The following AADAT variants were observed in gnomAD, a reference collection of about 807,000 sequenced individuals.
The protein encoded by AADAT is aminoadipate aminotransferase.
A neutral mutation model predicts 56.2 loss-of-function variants in AADAT; 25 were observed. The ratio of observed to expected loss-of-function variants is 0.44; its 90% CI spans 0.32 to 0.62. The LOEUF (loss-of-function observed/expected upper bound fraction) is 0.62, where lower values mean the gene tolerates loss of function less well. Among genes scored for constraint, AADAT ranks in the 20% least tolerant of loss-of-function variants. AADAT has a pLI of 0.04. For missense variants in AADAT, 387 were observed against 510.5 expected (o/e 0.76, Z 2.33); for synonymous variants, 173 against 164.7 (o/e 1.05, Z -0.39).
chr4:170,068,539 A>T (rs1011800568), intron 8 of AADAT, 52 bp downstream of exon 8: 7 of 1,382,604 alleles, frequency 5.1e-6, no homozygotes, highest in Non-Finnish European at 6.0e-6. Context: ...TTATTTTTTT[A>T]AAATTCTAAT....
At chr4:170,070,520 CA>C (rs1299223438) in intron 6 of AADAT, 66 bp downstream of exon 6, 2 of 1,171,234 alleles carry the variant, frequency 1.7e-6, no homozygotes, top group Non-Finnish European at 2.5e-6. Flanking sequence ...GCCTAATACC[CA>C]ACACAGTGCA....
chr4:170,091,426 G>A (rs1036046401), upstream of AADAT, among the ~76,000 whole-genome samples: 3 of 152,212 alleles, frequency 2.0e-5, no homozygotes, highest in African/African-American at 7.2e-5. Flanking sequence ...GCTCACCGGC[G>A]CTACCTTCGA....
chr4:170,084,529 G>A (rs894049254), intron 3 of AADAT, among the ~76,000 whole-genome samples: 1 of 152,074 alleles, frequency 6.6e-6, no homozygotes, highest in Non-Finnish European at 1.5e-5. Context: ...TAAATCAAAG[G>A]GGTCTATTAT....
At position 170,069,206 on chromosome 4, in the gene AADAT, T is replaced by G; in HGVS notation, c.745A>C (p.Met249Leu). Reference sequence around the variant, plus strand: ...CTGATGACACGTCCATCAACATCCATGGAAAGAAATGTTGGTACCCTGAAC... The same window carrying G: ...CTGATGACACGTCCATCAACATCCAGGGAAAGAAATGTTGGTACCCTGAAC... ...NKFRVPTFLS[M>L]DVDGRVIRAD... Residue 249 changes from methionine (M) to leucine (L), a missense_variant, in exon 7 of 13, where the codon ATG (methionine) becomes CTG (leucine). Transcript: ENST00000337664. 1 of 1,613,802 alleles carries G rather than the reference T, an allele frequency of 6.2e-7. No individual in the cohort carries two copies. The highest frequency in any genetic ancestry group is 8.5e-7 in the Non-Finnish European group (1 of 1,179,904).
In AADAT at chr4:170,061,928, T is replaced by C. The variant is rs773056396; in HGVS notation, c.1200A>G (p.Ala400=). 1.3e-5 allele frequency: 21 copies of C among 1,613,224 alleles called. No homozygotes were observed. Among genetic ancestry groups the C allele is most frequent in the Non-Finnish European group, 1.8e-5 (21 of 1,179,536 alleles). ...GTTCTGGAGAAGCTGAAGAGAAGGA[T>C]GCTCTCAAGTAAGGGCTAGGAGCTG... ...DSSAPSPYLR[A]SFSSASPEQM... is the part of the protein sequence containing the mutation. Residue 400 remains alanine (A), a synonymous_variant, in exon 12 of 13, where the codon GCA becomes GCG. Transcript: ENST00000337664.
intron 1 of AADAT, among the ~76,000 whole-genome samples, chr4:170,088,768 A>G (rs374764122): frequency 2.0e-5 from 3 of 152,056 alleles, no homozygotes; most frequent in African/African-American, 7.2e-5. Context: ...GGGTCTCTAG[A>G]GGTGATTAGG....
chr4:170,061,067 A>C (rs1731165382), intron 12 of AADAT, 98 bp from the exon 13 acceptor site: 1 of 852,178 alleles, frequency 1.2e-6, no homozygotes, highest in Non-Finnish European at 1.7e-6. Context: ...GTATCTGTCT[A>C]AGGTTGAGAG....
intron 11 of AADAT, among the ~76,000 whole-genome samples, chr4:170,064,232 C>T (rs981953303): frequency 6.6e-6 from 1 of 152,146 alleles, no homozygotes; most frequent in Non-Finnish European, 1.5e-5. Flanking sequence ...AAAACAAACC[C>T]TTCATTTTAA....
upstream of AADAT, chr4:170,090,676 T>A (rs1732787091): frequency 6.6e-6 from 1 of 152,202 alleles, no homozygotes. Flanking sequence ...TGCCTTTTTT[T>A]TTCTTACAAA....
chr4:170,088,915 C>G (rs541503942), intron 1 of AADAT, among the ~76,000 whole-genome samples: 1 of 151,154 alleles, frequency 6.6e-6, no homozygotes, highest in Admixed American at 6.6e-5. Flanking sequence ...ATGGCTCTGT[C>G]TATAAGGAAG....
intron 6 of AADAT, 146 bp from the exon 7 acceptor site, chr4:170,069,376 G>A: frequency 1.7e-6 from 1 of 597,748 alleles, no homozygotes; most frequent in Admixed American, 3.5e-5. Context: ...CCTTTAACAT[G>A]GAATAACAAA....
At chr4:170,092,729 C>T (rs1342304056), upstream of AADAT, among the ~76,000 whole-genome samples, 2 of 152,206 alleles carry the variant, frequency 1.3e-5, no homozygotes, top group Non-Finnish European at 2.9e-5. Context: ...TTCTCGCAGG[C>T]ATGTTGACAG....
upstream of AADAT, chr4:170,090,347 GCTC>G (rs1455431734): frequency 1.3e-5 from 2 of 152,332 alleles, no homozygotes; most frequent in Non-Finnish European, 2.9e-5. Flanking sequence ...GTTCCCGCGC[GCTC>G]CGCTGGCCTC....
intron 5 of AADAT, among the ~76,000 whole-genome samples, chr4:170,071,670 G>C (rs1191652465): frequency 6.6e-6 from 1 of 152,210 alleles, no homozygotes; most frequent in Non-Finnish European, 1.5e-5. Flanking sequence ...TGTGTGAAGA[G>C]TGTGACTGGT....
At chr4:170,068,192 T>C (rs1303582409) in intron 8 of AADAT, among the ~76,000 whole-genome samples, 1 of 151,188 alleles carries the variant, frequency 6.6e-6, no homozygotes, top group Non-Finnish European at 1.5e-5. Flanking sequence ...TGAACGTCTG[T>C]TGATAACAGA....
rs146028245 is a variant in AADAT, at chr4:170,069,795, T to C, written c.721-565A>G. ...GGTGGGAGGCAGGAGGCAAAAGTGA[T>C]GTTTTAGGAAACCCTGTAGAGAAAT... On this transcript the variant is annotated intron_variant, in intron 6 of 12. Coordinates refer to ENST00000337664, the MANE Select transcript of AADAT (RefSeq NM_016228.4). Among the ~76,000 whole-genome samples the C allele has an allele frequency of 2.1e-4, 32 of 152,310 alleles. No homozygotes were observed. The East Asian group carries it at 5.6e-3, about 27-fold the overall frequency.
At chr4:170,086,625 G>A (rs995687071) in intron 3 of AADAT, among the ~76,000 whole-genome samples, 18 of 152,250 alleles carry the variant, frequency 1.2e-4, no homozygotes, top group African/African-American at 4.1e-4. Context: ...GAAATCAAAC[G>A]TAACTTGAAT....
At chr4:170,088,624 T>A in intron 1 of AADAT, 60 bp from the exon 2 acceptor site, 1 of 1,506,128 alleles carries the variant, frequency 6.6e-7, no homozygotes, top group Non-Finnish European at 9.2e-7. Context: ...AGCGGATAGT[T>A]AAGCATGCAT....
In AADAT at chr4:170,073,145, T is replaced by C; in HGVS notation, c.645A>G (p.Glu215=). Residue 215 remains glutamate, a synonymous_variant, in exon 5 of 13, where the codon GAA becomes GAG. Transcript: ENST00000337664. ...CATTCTTCTACAATACCTCATAGAT[T>C]TCCTTTTTGCGTTCACTGGTTAATG... is the stretch of plus-strand genomic sequence containing the variant. The part of the protein sequence containing the change: ...GNSLTSERKK[E]IYELARKYDF... 3 of 1,614,086 alleles carry C rather than the reference T, an allele frequency of 1.9e-6. No homozygotes were observed. The highest frequency in any genetic ancestry group is 1.1e-5 in the South Asian group (1 of 91,054).
Sources: allele counts gnomAD v4.1 joint callset (sites outside exome capture counted in the v4.1 genomes callset), GRCh38; gene constraint gnomAD v4.1.1; transcripts MANE v1.5; gene names NCBI Gene and HGNC (gene_info 2026-07-23, HGNC 2026-07-21).